Variants in SHISA9 observed in about 807,000 individuals in gnomAD.
SHISA9 encodes shisa family member 9, also known as protein shisa-9.
A neutral mutation model predicts 38.0 loss-of-function variants in SHISA9; 13 were observed. The observed-to-expected ratio is 0.34, with a 90% CI of 0.22 to 0.54. SHISA9 has a LOEUF of 0.54. Ranked by LOEUF, SHISA9 falls within the 20% of genes least tolerant of loss-of-function variation. The pLI, the probability that SHISA9 is intolerant of heterozygous loss-of-function variation, is 0.91. For synonymous variants in SHISA9, 275 were observed against 242.0 expected (o/e 1.14, Z -1.27); for missense variants, 538 against 575.8 (o/e 0.93, Z 0.67).
Position 13,152,717 on chromosome 16 carries a change from G to A in SHISA9, c.692-50677G>A, listed in dbSNP as rs576143570. On this transcript the variant is annotated intron_variant, in intron 2 of 4. Transcript: ENST00000558583. ...TTGCCAGGCAAGGATGGAACACCCAGTTTGATGAATTGATGAAGACTCTAT... is the reference window on the plus strand; with the variant it reads ...TTGCCAGGCAAGGATGGAACACCCAATTTGATGAATTGATGAAGACTCTAT... Among the ~76,000 whole-genome samples the A allele has an allele frequency of 4.6e-5, 7 of 152,172 alleles. No homozygotes were observed. In the South Asian group the frequency reaches 1.5e-3, roughly 32 times the overall value.
At chr16:13,443,373 C>A in the SHISA9 span, among the ~76,000 whole-genome samples, 1 of 152,120 alleles carries the variant, frequency 6.6e-6, no homozygotes. Context: ...AGTTTGAATT[C>A]CAATTTGGCT....
the SHISA9 span, among the ~76,000 whole-genome samples, chr16:13,465,136 G>A: frequency 6.6e-6 from 1 of 152,322 alleles, no homozygotes; most frequent in South Asian, 2.1e-4. Context: ...GTAGGTGGAG[G>A]AAGGAGCATT....
rs137873647 is a variant in SHISA9, at chr16:13,185,873, G to A, written c.692-17521G>A. ...AGCATTTTCAGAGGAAAATAAAATG[G>A]CTAGGTTGTTTTAATCAAGGACTGA... On this transcript the variant is annotated intron_variant, in intron 2 of 4. Coordinates refer to ENST00000558583, the MANE Select transcript of SHISA9 (RefSeq NM_001145204.3). Among the ~76,000 whole-genome samples, 140 of 152,278 alleles carry A rather than the reference G, an allele frequency of 9.2e-4. 1 individual carries two copies. The highest frequency in any genetic ancestry group is 3.3e-3 in the African/African-American group (138 of 41,552).
chr16:13,157,996 G>GT (rs1486172567), intron 2 of SHISA9, among the ~76,000 whole-genome samples: 1 of 152,114 alleles, frequency 6.6e-6, no homozygotes, highest in Non-Finnish European at 1.5e-5. Context: ...TCTGAAACAA[G>GT]TTTTTTATGT....
chr16:13,539,960 G>C, the SHISA9 span, among the ~76,000 whole-genome samples: 1 of 152,222 alleles, frequency 6.6e-6, no homozygotes, highest in South Asian at 2.1e-4. Flanking sequence ...GTATTCCATG[G>C]TGTATAAGTA....
chr16:13,083,887 C>A (rs564007920), intron 2 of SHISA9, among the ~76,000 whole-genome samples: 11 of 152,262 alleles, frequency 7.2e-5, no homozygotes, highest in South Asian at 4.1e-4. Flanking sequence ...AGGGCACCAA[C>A]GGTATCCACC....
At chr16:13,424,668 C>CAAGCCATA in the SHISA9 span, among the ~76,000 whole-genome samples, 1 of 152,150 alleles carries the variant, frequency 6.6e-6, no homozygotes, top group Non-Finnish European at 1.5e-5. Flanking sequence ...TTAGATTTTG[C>CAAGCCATA]AAGCCATAAT....
At chr16:12,902,696 C>G (rs997763258) in intron 1 of SHISA9, 69 bp downstream of exon 1, 1 of 1,406,820 alleles carries the variant, frequency 7.1e-7, no homozygotes, top group Non-Finnish European at 9.5e-7. Context: ...CCACCTTCCC[C>G]CAGGCAATGG....
intron 4 of SHISA9, among the ~76,000 whole-genome samples, chr16:13,216,508 A>C (rs1331886054): frequency 6.6e-6 from 1 of 152,218 alleles, no homozygotes; most frequent in Non-Finnish European, 1.5e-5. Context: ...TGGTAATAAA[A>C]ACTGGTGAAC....
intron 2 of SHISA9, among the ~76,000 whole-genome samples, chr16:12,923,072 C>T (rs2071347842): frequency 6.6e-6 from 1 of 152,206 alleles, no homozygotes; most frequent in Non-Finnish European, 1.5e-5. Flanking sequence ...GGTGATCCTG[C>T]TGCCTCAGCC....
At position 13,174,169 on chromosome 16, in the gene SHISA9, T is replaced by C. The variant is rs116541563; in HGVS notation, c.692-29225T>C. On this transcript the variant is annotated intron_variant, in intron 2 of 4. Transcript: ENST00000558583. ...CTGGCTTGTATAAACTTGTAAAATA[T>C]AGCATTTGTTTTTTGTTGTTTTGGT... Among the ~76,000 whole-genome samples, 563 of 152,312 alleles carry C rather than the reference T, an allele frequency of 3.7e-3. 6 individuals carry two copies. Among genetic ancestry groups the C allele is most frequent in the African/African-American group, 0.013 (522 of 41,566 alleles).
the SHISA9 span, among the ~76,000 whole-genome samples, chr16:13,346,071 A>G: frequency 3.9e-5 from 6 of 152,148 alleles, no homozygotes; most frequent in African/African-American, 1.4e-4. Context: ...CAAATATTGT[A>G]TATTGTACCC....
chr16:13,178,558 G>C (rs2050751404), intron 2 of SHISA9, among the ~76,000 whole-genome samples: 1 of 152,040 alleles, frequency 6.6e-6, no homozygotes. Context: ...TTAACCATTT[G>C]GCTATTTGGC....
chr16:13,083,111 G>A (rs373717984), intron 2 of SHISA9, among the ~76,000 whole-genome samples: 3 of 152,172 alleles, frequency 2.0e-5, no homozygotes, highest in South Asian at 2.1e-4. Flanking sequence ...GAGGGGAGGG[G>A]CAGCCAACAG....
chr16:13,516,588 T>A, the SHISA9 span, among the ~76,000 whole-genome samples: 1 of 152,032 alleles, frequency 6.6e-6, no homozygotes, highest in Non-Finnish European at 1.5e-5. Flanking sequence ...TTGCCTGAGG[T>A]CAGGAGTTCG....
the SHISA9 span, among the ~76,000 whole-genome samples, chr16:13,537,215 G>T: frequency 6.6e-5 from 10 of 152,246 alleles, no homozygotes; most frequent in Admixed American, 6.5e-4. Context: ...ATCACTTGAG[G>T]TCAGGAGTTG....
At chr16:13,000,077 G>A (rs1363389790) in intron 2 of SHISA9, among the ~76,000 whole-genome samples, 3 of 151,990 alleles carry the variant, frequency 2.0e-5, no homozygotes, top group Non-Finnish European at 2.9e-5. Flanking sequence ...TCTTTTTTAC[G>A]CATAAGTGTC....
chr16:13,144,579 G>A (rs551780023), intron 2 of SHISA9, among the ~76,000 whole-genome samples: 34 of 152,184 alleles, frequency 2.2e-4, no homozygotes, highest in African/African-American at 6.3e-4. Context: ...TTACGAGGTC[G>A]GGGAAAGAAG....
At chr16:13,044,006 G>A (rs2141891289) in intron 2 of SHISA9, among the ~76,000 whole-genome samples, 1 of 152,252 alleles carries the variant, frequency 6.6e-6, no homozygotes, top group South Asian at 2.1e-4. Context: ...CCAGAACTTA[G>A]CCTGGCCAAA....
Sources: allele counts gnomAD v4.1 joint callset (sites outside exome capture counted in the v4.1 genomes callset), GRCh38; gene constraint gnomAD v4.1.1; transcripts MANE v1.5; gene names NCBI Gene and HGNC (gene_info 2026-07-23, HGNC 2026-07-21).